The following DPYSL2 variants were observed in gnomAD, a reference collection of about 807,000 sequenced individuals.
The protein encoded by DPYSL2 is dihydropyrimidinase like 2.
DPYSL2 carries 13 observed loss-of-function variants against 69.9 expected under a neutral mutation model. The observed-to-expected ratio is 0.19, with a 90% CI of 0.12 to 0.30. DPYSL2 has a LOEUF of 0.30. DPYSL2 is among the 10% of genes least tolerant of loss of function. The pLI is 1.00. For synonymous variants in DPYSL2, 326 were observed against 359.1 expected (o/e 0.91, Z 1.04); for missense variants, 587 against 918.9 (o/e 0.64, Z 4.67).
rs990612813 is a variant in DPYSL2 at position 26,627,312 on chromosome 8, T to C, written c.936+17T>C. On this transcript the variant is annotated intron_variant, in intron 6 of 13. Transcript: ENST00000521913. This position sits in a 1 kb window ranked among gnomAD's most constrained non-coding sequence, Gnocchi z 6.9. ...ATTGCAGAGGTACAGGGCTTTCTTTTTCGTCATTTCTTCATCACCTGGAGG... is the reference window on the plus strand; with the variant it reads ...ATTGCAGAGGTACAGGGCTTTCTTTCTCGTCATTTCTTCATCACCTGGAGG... The C allele has an allele frequency of 1.2e-6, 2 of 1,613,672 alleles. 1 individual carries two copies. The highest frequency in any genetic ancestry group is 3.3e-5 in the Admixed American group (2 of 60,006).
chr8:26,519,901 C>G (rs544755749), intron 1 of DPYSL2, among the ~76,000 whole-genome samples: 1 of 152,222 alleles, frequency 6.6e-6, no homozygotes, highest in Admixed American at 6.5e-5. Context: ...AGATGTTACT[C>G]TTATTCTTAT....
rs1307673849 is a variant in DPYSL2, at chr8:26,593,667, A to C, written c.628+9684A>C. The stretch of plus-strand genomic sequence containing the variant: ...AAGGTTTTACTTGGCTAATTCCCTA[A>C]AAGGGCACTGGTTAGGACTTGGAGT... On this transcript the variant is annotated intron_variant, in intron 3 of 13. Transcript: ENST00000521913. This position sits in a 1 kb window ranked among gnomAD's most constrained non-coding sequence, Gnocchi z 5.7. 6.6e-6 allele frequency among the ~76,000 whole-genome samples: 1 copy of C among 152,168 alleles called. No homozygotes were observed. Among genetic ancestry groups the C allele is most frequent in the African/African-American group, 2.4e-5 (1 of 41,426 alleles).
rs1371069405 is a variant in DPYSL2 at position 26,586,245 on chromosome 8, A to G, written c.628+2262A>G. 6.6e-6 allele frequency among the ~76,000 whole-genome samples: 1 copy of G among 152,036 alleles called. No homozygotes were observed. Among genetic ancestry groups the G allele is most frequent in the African/African-American group, 2.4e-5 (1 of 41,360 alleles). On this transcript the variant is annotated intron_variant, in intron 3 of 13. Transcript: ENST00000521913. The surrounding 1 kb of genome is among the most constrained non-coding windows in gnomAD (Gnocchi z 4.7). ...ACTTGCCGTGTGACCTTGAGTCACTACCCTACTCTGTGTTCTAGCTGTGTG... is the reference window on the plus strand; with the variant it reads ...ACTTGCCGTGTGACCTTGAGTCACTGCCCTACTCTGTGTTCTAGCTGTGTG...
At chr8:26,578,807 G>T (rs2129719632) in intron 1 of DPYSL2, among the ~76,000 whole-genome samples, 1 of 152,324 alleles carries the variant, frequency 6.6e-6, no homozygotes, top group East Asian at 1.9e-4. Flanking sequence ...GCCCTAAGGC[G>T]TAATGACAGC....
At position 26,514,278 on chromosome 8, in the gene DPYSL2, G is replaced by A. The variant is rs1160211729; in HGVS notation, c.-48G>A. ...ACACAGCGAGGGAGACTTAGGGACT[G>A]GCAGACGGACGGACGGACGGCGAGG... On this transcript the variant is annotated 5_prime_UTR_variant, in exon 1 of 14. Coordinates refer to ENST00000521913, the MANE Select transcript of DPYSL2 (RefSeq NM_001197293.3). This position sits in a 1 kb window ranked among gnomAD's most constrained non-coding sequence, Gnocchi z 8.4. The A allele has an allele frequency of 1.4e-6, 2 of 1,405,960 alleles. No homozygotes were observed. Among genetic ancestry groups the A allele is most frequent in the African/African-American group, 1.5e-5 (1 of 67,374 alleles). 87.1% of individuals were successfully genotyped at this position (1,405,960 alleles called of 1,614,324 possible).
At position 26,556,354 on chromosome 8, in the gene DPYSL2, A is replaced by ATATATATATAG. The variant is rs1270218497; in HGVS notation, c.355-25604_355-25594dup. Among the ~76,000 whole-genome samples, 11 of 14,060 alleles carry ATATATATATAG rather than the reference A, an allele frequency of 7.8e-4. 1 individual carries two copies. Among genetic ancestry groups the ATATATATATAG allele is most frequent in the African/African-American group, 2.8e-3 (10 of 3,590 alleles). 9.2% of individuals were successfully genotyped at this position (14,060 alleles called of 152,430 possible). On this transcript the variant is annotated intron_variant, in intron 1 of 13. Transcript: ENST00000521913. Reference sequence around the variant, plus strand: ...TATATATATAGTATATATATATAGTATATATATATAGTATATATATATAGT... The same window carrying ATATATATATAG: ...TATATATATAGTATATATATATAGTATATATATATAGTATATATATAGTATATATATATAGT...
intron 3 of DPYSL2, among the ~76,000 whole-genome samples, chr8:26,608,650 T>C (rs1802161106): frequency 6.6e-6 from 1 of 152,214 alleles, no homozygotes; most frequent in African/African-American, 2.4e-5. Flanking sequence ...AACCTTATTG[T>C]TCAGATACAT....
At chr8:26,523,067 C>T (rs1808414751) in intron 1 of DPYSL2, among the ~76,000 whole-genome samples, 1 of 151,786 alleles carries the variant, frequency 6.6e-6, no homozygotes, top group South Asian at 2.1e-4. Flanking sequence ...CTGAATAAGC[C>T]TGATTCTTCT....
chr8:26,624,210 C>G lies in DPYSL2; in HGVS notation c.696C>G (p.Ala232=), dbSNP rs143313769. The G allele has an allele frequency of 3.7e-6, 6 of 1,614,144 alleles. No homozygotes were observed. The Admixed American group carries it at 1.0e-4, about 27-fold the overall frequency. The change falls in exon 4 of 14, where the codon GCC becomes GCG. Residue 232 remains alanine (A), a synonymous_variant. Coordinates refer to ENST00000521913, the MANE Select transcript of DPYSL2 (RefSeq NM_001197293.3). The surrounding 1 kb of genome is among the most constrained non-coding windows in gnomAD (Gnocchi z 4.7). ...LAAFDQWREW[A]DSKSCCDYSL... ...CCTTTGACCAGTGGAGGGAATGGGC[C>G]GACAGCAAGTCCTGCTGTGACTACT...
intron 3 of DPYSL2, among the ~76,000 whole-genome samples, chr8:26,592,374 A>G (rs1426466749): frequency 6.6e-6 from 1 of 151,740 alleles, no homozygotes; most frequent in African/African-American, 2.4e-5. Context: ...GCTGGTCATG[A>G]ACTCTTGGCC....
At chr8:26,638,580 G>A (rs1415087848) in intron 8 of DPYSL2, among the ~76,000 whole-genome samples, 1 of 152,176 alleles carries the variant, frequency 6.6e-6, no homozygotes, top group Non-Finnish European at 1.5e-5. Context: ...TCCATCAGCC[G>A]CTCTGTGGCT....
Position 26,655,966 on chromosome 8 carries a change from A to T in DPYSL2, c.*260A>T, listed in dbSNP as rs900919220. The T allele has an allele frequency of 2.3e-5, 8 of 352,448 alleles. No individual in the cohort carries two copies. Among genetic ancestry groups the T allele is most frequent in the African/African-American group, 1.7e-4 (8 of 48,212 alleles). The allele number at this position is 352,448 out of a possible 1,614,324, so 21.8% of individuals were successfully genotyped here. ...GACTACCCACCAAGCTCATACAGGGAACCACACCCAACACTTAGACATGCG... is the reference window on the plus strand; with the variant it reads ...GACTACCCACCAAGCTCATACAGGGTACCACACCCAACACTTAGACATGCG... On this transcript the variant is annotated 3_prime_UTR_variant, in exon 14 of 14. Transcript: ENST00000521913.
intron 8 of DPYSL2, chr8:26,637,962 T>G (rs1802957098): frequency 6.6e-6 from 1 of 152,260 alleles, no homozygotes; most frequent in East Asian, 1.9e-4. Context: ...TAAAGATGCC[T>G]GCTGACCCTG....
In DPYSL2 at chr8:26,605,269, A is replaced by G. The variant is rs1802084255; in HGVS notation, c.629-18874A>G. Reference sequence around the variant, plus strand: ...TAGCCAGTGTAATAAGATACGAAAAATAAGAAGTAATAATAATGGGGAGAA... The same window carrying G: ...TAGCCAGTGTAATAAGATACGAAAAGTAAGAAGTAATAATAATGGGGAGAA... On this transcript the variant is annotated intron_variant, in intron 3 of 13. Transcript: ENST00000521913. The surrounding 1 kb of genome is among the most constrained non-coding windows in gnomAD (Gnocchi z 4.1). 6.6e-6 allele frequency among the ~76,000 whole-genome samples: 1 copy of G among 152,154 alleles called. No homozygotes were observed. The highest frequency in any genetic ancestry group is 6.5e-5 in the Admixed American group (1 of 15,270).
In DPYSL2 at chr8:26,624,081, A is replaced by G. The variant is rs1802561281; in HGVS notation, c.629-62A>G. Reference sequence around the variant, plus strand: ...TTATTCAGGGTTCAAGTGGGAAAATACCTGCTGGCCCACGGCCCTTGAGGC... The same window carrying G: ...TTATTCAGGGTTCAAGTGGGAAAATGCCTGCTGGCCCACGGCCCTTGAGGC... On this transcript the variant is annotated intron_variant, in intron 3 of 13. Transcript: ENST00000521913. The surrounding 1 kb of genome is among the most constrained non-coding windows in gnomAD (Gnocchi z 4.7). The G allele has an allele frequency of 1.9e-6, 3 of 1,583,832 alleles. No homozygotes were observed. Among genetic ancestry groups the G allele is most frequent in the African/African-American group, 2.7e-5 (2 of 74,180 alleles).
At chr8:26,529,820 A>G (rs1800471791) in intron 1 of DPYSL2, among the ~76,000 whole-genome samples, 1 of 150,880 alleles carries the variant, frequency 6.6e-6, no homozygotes, top group Non-Finnish European at 1.5e-5. Context: ...CTGGAAAAGA[A>G]TTAACTGGGG....
At position 26,593,223 on chromosome 8, in the gene DPYSL2, T is replaced by C. The variant is rs1801781258; in HGVS notation, c.628+9240T>C. Among the ~76,000 whole-genome samples the C allele has an allele frequency of 6.6e-6, 1 of 152,188 alleles. No homozygotes were observed. Among genetic ancestry groups the C allele is most frequent in the South Asian group, 2.1e-4 (1 of 4,802 alleles). On this transcript the variant is annotated intron_variant, in intron 3 of 13. Coordinates refer to ENST00000521913, the MANE Select transcript of DPYSL2 (RefSeq NM_001197293.3). This position sits in a 1 kb window ranked among gnomAD's most constrained non-coding sequence, Gnocchi z 5.7. Reference sequence around the variant, plus strand: ...CTGTCCAGTTAAGAGAATTTTGCAATGAACTAGGGCAGTGGTTTAAAAACC... The same window carrying C: ...CTGTCCAGTTAAGAGAATTTTGCAACGAACTAGGGCAGTGGTTTAAAAACC...
chr8:26,547,338 G>A lies in DPYSL2; in HGVS notation c.354+32659G>A, dbSNP rs1455680406. 5.3e-5 allele frequency among the ~76,000 whole-genome samples: 8 copies of A among 149,728 alleles called. No individual in the cohort carries two copies. The East Asian group carries it at 1.6e-3, about 29-fold the overall frequency. On this transcript the variant is annotated intron_variant, in intron 1 of 13. Coordinates refer to ENST00000521913, the MANE Select transcript of DPYSL2 (RefSeq NM_001197293.3). ...AGATTGTGCCACTGCACTCCAGCCT[G>A]GTTGACAGAGAGAGACCCTGATTGA...
intron 1 of DPYSL2, chr8:26,578,460 A>T: frequency 6.8e-7 from 1 of 1,475,302 alleles, no homozygotes; most frequent in African/African-American, 1.4e-5. Context: ...TGGGAGATGC[A>T]GTGATCCAGG....
Sources: gnomAD v4.1 joint callset for allele counts (sites outside exome capture counted in the v4.1 genomes callset) on GRCh38, gnomAD v4.1.1 for gene constraint, Gnocchi (gnomAD v3.1) non-coding constraint, MANE v1.5 for transcripts, NCBI Gene and HGNC (gene_info 2026-07-23, HGNC 2026-07-21) for gene names.